The following RYR2 variants were observed in gnomAD, a reference collection of about 807,000 sequenced individuals.
The protein encoded by RYR2 is ryanodine receptor 2.
A neutral mutation model predicts 601.1 loss-of-function variants in RYR2; 227 were observed. The ratio of observed to expected loss-of-function variants is 0.38; its 90% CI spans 0.34 to 0.42. The LOEUF (loss-of-function observed/expected upper bound fraction) is 0.42, where lower values mean the gene tolerates loss of function less well. Among genes scored for constraint, RYR2 ranks in the 10% least tolerant of loss-of-function variants. RYR2 has a pLI of 1.00. For missense variants in RYR2, 4,646 were observed against 6,156.5 expected (o/e 0.75, Z 8.21); for synonymous variants, 2,223 against 2,175.1 (o/e 1.02, Z -0.61).
intron 38 of RYR2, among the ~76,000 whole-genome samples, chr1:237,622,188 A>G (rs2148638818): frequency 6.6e-6 from 1 of 152,350 alleles, no homozygotes; most frequent in African/African-American, 2.4e-5. Context: ...ATGGGAAAGC[A>G]TCTTTCTCTT....
chr1:237,465,676 G>A (rs1466640278), intron 16 of RYR2, among the ~76,000 whole-genome samples: 3 of 152,166 alleles, frequency 2.0e-5, no homozygotes, highest in Admixed American at 6.5e-5. Flanking sequence ...ATGGCCTACT[G>A]CGCGGCTACG....
intron 98 of RYR2, chr1:237,802,255 GC>G (rs1413638225): frequency 5.9e-6 from 1 of 170,824 alleles, no homozygotes; most frequent in Non-Finnish European, 1.2e-5. Flanking sequence ...CATTAATTGT[GC>G]TAAATTTAGG....
At chr1:237,104,578 T>TA (rs1668463600) in intron 1 of RYR2, among the ~76,000 whole-genome samples, 1 of 152,236 alleles carries the variant, frequency 6.6e-6, no homozygotes, top group South Asian at 2.1e-4. Flanking sequence ...TTGCCTTTTT[T>TA]TCTTTGCCCG....
chr1:237,178,453 TG>T (rs1175840938), intron 1 of RYR2, among the ~76,000 whole-genome samples: 10 of 149,094 alleles, frequency 6.7e-5, no homozygotes, highest in African/African-American at 2.3e-4. Flanking sequence ...TGTGTGTGTG[TG>T]TGTGTGTGTG....
intron 29 of RYR2, among the ~76,000 whole-genome samples, 192 bp downstream of exon 29, chr1:237,569,511 C>T (rs760555474): frequency 1.5e-4 from 23 of 151,822 alleles, no homozygotes; most frequent in Middle Eastern, 3.4e-3. Context: ...GCTATCTATA[C>T]GACTTAGCTA....
chr1:237,667,953 C>A lies in RYR2; in HGVS notation c.8585C>A (p.Ser2862Tyr). ...AAGAAAAAGAAAATGGAGTTGGAGTCCAAAGGTAATATTTTCTAAAAACGT... is the reference window on the plus strand; with the variant it reads ...AAGAAAAAGAAAATGGAGTTGGAGTACAAAGGTAATATTTTCTAAAAACGT... ...WAKKKKMELE[S>Y]KGGGNHPLLV... The change falls in exon 58 of 105, where the codon TCC becomes TAC. Residue 2862 changes from serine to tyrosine, a missense_variant. Physicochemically the swap from Ser to Tyr is moderately radical, Grantham distance 144. Around this residue, in one of 17 missense-constraint regions of RYR2, gnomAD observed 1,497 missense variants for 1,842.6 expected, o/e 0.81. Coordinates refer to ENST00000366574, the MANE Select transcript of RYR2 (RefSeq NM_001035.3). 6.4e-7 allele frequency: 1 copy of A among 1,565,424 alleles called. No individual in the cohort carries two copies. Among genetic ancestry groups the A allele is most frequent in the Non-Finnish European group, 8.7e-7 (1 of 1,154,794 alleles).
chr1:237,795,824 ATG>A (rs201347190), intron 96 of RYR2, among the ~76,000 whole-genome samples: 9 of 135,728 alleles, frequency 6.6e-5, no homozygotes, highest in Non-Finnish European at 9.4e-5. Context: ...ACAGGTATGT[ATG>A]TGTGTGTGTG....
chr1:237,405,497 T>A (rs905052856), intron 10 of RYR2, among the ~76,000 whole-genome samples: 2 of 152,250 alleles, frequency 1.3e-5, no homozygotes, highest in African/African-American at 4.8e-5. Context: ...ATCCTAAATG[T>A]TCAAGTTCTT....
At chr1:237,131,279 A>G (rs1002640152) in intron 1 of RYR2, among the ~76,000 whole-genome samples, 2 of 152,074 alleles carry the variant, frequency 1.3e-5, no homozygotes, top group East Asian at 1.9e-4. Flanking sequence ...TCAACTTCTC[A>G]CACTAATGGC....
chr1:237,777,745 T>A (rs1440261812), intron 87 of RYR2, among the ~76,000 whole-genome samples: 1 of 152,212 alleles, frequency 6.6e-6, no homozygotes, highest in Non-Finnish European at 1.5e-5. Context: ...AAAGATAAAC[T>A]TAGGCACAAT....
intron 96 of RYR2, among the ~76,000 whole-genome samples, chr1:237,797,615 GT>G (rs1420034592): frequency 1.3e-5 from 2 of 152,208 alleles, no homozygotes; most frequent in Non-Finnish European, 2.9e-5. Context: ...ATTACATGAA[GT>G]TTTCTAAGGT....
At chr1:237,504,975 A>T (rs80208328) in intron 22 of RYR2, among the ~76,000 whole-genome samples, 1,530 of 152,334 alleles carry the variant, frequency 0.01, 30 homozygotes, top group African/African-American at 0.033. Flanking sequence ...ATAGAGAAAG[A>T]TGAGGATGCC....
intron 100 of RYR2, among the ~76,000 whole-genome samples, chr1:237,815,107 C>A (rs577844215): frequency 6.6e-6 from 1 of 151,746 alleles, no homozygotes; most frequent in Non-Finnish European, 1.5e-5. Flanking sequence ...GGGAGGGAAG[C>A]CACAGACTAT....
chr1:237,638,982 A>G (rs778517717), intron 45 of RYR2, 33 bp from the exon 46 acceptor site: 16 of 1,606,870 alleles, frequency 1.0e-5, no homozygotes, highest in Middle Eastern at 1.8e-4. Flanking sequence ...ATATAATCAT[A>G]TTTGTTTACT....
intron 35 of RYR2, among the ~76,000 whole-genome samples, chr1:237,609,687 T>C (rs1325261334): frequency 6.6e-6 from 1 of 152,108 alleles, no homozygotes; most frequent in African/African-American, 2.4e-5. Context: ...AAATGTTGCT[T>C]TCTCAATGAT....
chr1:237,681,961 G>C (rs577600274), intron 62 of RYR2, among the ~76,000 whole-genome samples: 1 of 152,236 alleles, frequency 6.6e-6, no homozygotes, highest in African/African-American at 2.4e-5. Flanking sequence ...TTCTCAGAGG[G>C]TGTTGTTAAT....
At chr1:237,355,300 T>C (rs1367238580) in intron 3 of RYR2, among the ~76,000 whole-genome samples, 1 of 152,150 alleles carries the variant, frequency 6.6e-6, no homozygotes, top group African/African-American at 2.4e-5. Context: ...TAGGGCGTTG[T>C]AGAGACAGTC....
chr1:237,535,482 C>T (rs1238285136), intron 25 of RYR2, among the ~76,000 whole-genome samples: 1 of 106,042 alleles, frequency 9.4e-6, no homozygotes, highest in African/African-American at 3.1e-5. Context: ...ATCAAACACA[C>T]ATACACACAC....
intron 26 of RYR2, among the ~76,000 whole-genome samples, chr1:237,549,637 T>C (rs80130153): frequency 3.5e-4 from 48 of 135,486 alleles, no homozygotes; most frequent in Non-Finnish European, 4.4e-4. Context: ...TCTTTTTTTT[T>C]TTTTTTTTTT....
Sources: gnomAD v4.1 joint callset for allele counts (sites outside exome capture counted in the v4.1 genomes callset) on GRCh38, gnomAD v4.1.1 for gene constraint, gnomAD v4.1.1 regional missense constraint, MANE v1.5 for transcripts, NCBI Gene and HGNC (gene_info 2026-07-23, HGNC 2026-07-21) for gene names.